The following ATP13A3 variants were observed in gnomAD, a reference collection of about 807,000 sequenced individuals.
The protein encoded by ATP13A3 is ATPase 13A3.
In ATP13A3, 59 loss-of-function variants were observed where a neutral mutation model predicts 158.1. That is an observed-to-expected ratio of 0.37 (90% CI 0.30 to 0.46). The LOEUF (loss-of-function observed/expected upper bound fraction) is 0.46, where lower values mean the gene tolerates loss of function less well. Among genes scored for constraint, ATP13A3 ranks in the 20% least tolerant of loss-of-function variants. The pLI is 1.00. For missense variants in ATP13A3, 1,166 were observed against 1,525.2 expected (o/e 0.76, Z 3.92); for synonymous variants, 491 against 504.3 (o/e 0.97, Z 0.35).
At position 194,468,386 on chromosome 3, in the gene ATP13A3, T is replaced by TAAAAAAAAAAAAAAAAAAA. The variant is rs35011462; in HGVS notation, c.-46-6169_-46-6151dup. On this transcript the variant is annotated intron_variant, in intron 2 of 33. Coordinates refer to ENST00000645319, the MANE Select transcript of ATP13A3 (RefSeq NM_001367549.1). The stretch of plus-strand genomic sequence containing the variant: ...ATAAACTTGATTTGCTGTGTGAGTT[T>TAAAAAAAAAAAAAAAAAAA]AAAAAAAAAAAAAAAAAAACAGTAT... 269 of 111,696 alleles carry TAAAAAAAAAAAAAAAAAAA rather than the reference T, an allele frequency of 2.4e-3. 8 individuals are homozygous for TAAAAAAAAAAAAAAAAAAA. Among genetic ancestry groups the TAAAAAAAAAAAAAAAAAAA allele is most frequent in the African/African-American group, 0.01 (254 of 25,276 alleles). The allele number at this position is 111,696 out of a possible 1,614,324, so 6.9% of individuals were successfully genotyped here. A position where few individuals can be genotyped will look rare whatever the true frequency, so the allele number is the denominator to read the frequency against.
At chr3:194,423,627 C>A (rs1047230058) in intron 30 of ATP13A3, among the ~76,000 whole-genome samples, 2 of 152,170 alleles carry the variant, frequency 1.3e-5, no homozygotes, top group Non-Finnish European at 2.9e-5. Flanking sequence ...CTGACAGTAA[C>A]GGCAATCGAG....
At position 194,448,761 on chromosome 3, in the gene ATP13A3, A is replaced by G; in HGVS notation, c.971-125T>C. The G allele has an allele frequency of 9.9e-7, 1 of 1,006,890 alleles. No individual in the cohort carries two copies. Among genetic ancestry groups the G allele is most frequent in the South Asian group, 1.9e-5 (1 of 52,434 alleles). The allele number at this position is 1,006,890 out of a possible 1,614,324, so 62.4% of individuals were successfully genotyped here. ...TTTTAAATGCTACCATACTGTTTAC[A>G]ATAATCACTGAGAGTTGTATATGTG... is the stretch of plus-strand genomic sequence containing the variant. On this transcript the variant is annotated intron_variant, in intron 11 of 33. Transcript: ENST00000645319. The surrounding 1 kb of genome is among the most constrained non-coding windows in gnomAD (Gnocchi z 4.0).
intron 4 of ATP13A3, among the ~76,000 whole-genome samples, chr3:194,460,444 G>C (rs555660668): frequency 6.6e-6 from 1 of 152,266 alleles, no homozygotes; most frequent in South Asian, 2.1e-4. Context: ...ATGAAAGGAA[G>C]GGGGTGAATC....
Position 194,455,965 on chromosome 3 carries a change from AT to A in ATP13A3, c.561-4del. The A allele has an allele frequency of 6.6e-7, 1 of 1,508,094 alleles. No individual in the cohort carries two copies. Among genetic ancestry groups the A allele is most frequent in the Non-Finnish European group, 9.0e-7 (1 of 1,109,274 alleles). The allele number at this position is 1,508,094 out of a possible 1,614,324, so 93.4% of individuals were successfully genotyped here. A position where few individuals can be genotyped will look rare whatever the true frequency, so the allele number is the denominator to read the frequency against. ...CATTTACTCCATAAAGCAGTTTTCT[AT>A]AACAGGAAAATACATTCATAGTATT... On this transcript the variant is annotated splice_region_variant and splice_polypyrimidine_tract_variant and intron_variant, in intron 7 of 33. Coordinates refer to ENST00000645319, the MANE Select transcript of ATP13A3 (RefSeq NM_001367549.1).
chr3:194,460,911 G>T, intron 3 of ATP13A3, 80 bp from the exon 4 acceptor site: 1 of 1,399,078 alleles, frequency 7.1e-7, no homozygotes, highest in Non-Finnish European at 9.7e-7. Flanking sequence ...AAAGTTCTTT[G>T]TTTTCCAGAT....
chr3:194,477,182 C>T lies in ATP13A3; in HGVS notation c.-47+8612G>A, dbSNP rs1218133869. Among the ~76,000 whole-genome samples the T allele has an allele frequency of 2.0e-5, 3 of 152,190 alleles. 1 individual carries two copies. The highest frequency in any genetic ancestry group is 7.2e-5 in the African/African-American group (3 of 41,442). ...AGAGCTCCTACTTGCTCTTCCAGGACCAGCTCAAGCTACTAAGCTTTGATT... is the reference window on the plus strand; with the variant it reads ...AGAGCTCCTACTTGCTCTTCCAGGATCAGCTCAAGCTACTAAGCTTTGATT... On this transcript the variant is annotated intron_variant, in intron 2 of 33. Transcript: ENST00000645319.
chr3:194,477,256 C>T (rs1720564462), intron 2 of ATP13A3, among the ~76,000 whole-genome samples: 1 of 152,156 alleles, frequency 6.6e-6, no homozygotes, highest in African/African-American at 2.4e-5. Context: ...TCTCCCACCT[C>T]TGCAGGTATC....
intron 10 of ATP13A3, chr3:194,450,551 G>C (rs747485605): frequency 2.4e-4 from 88 of 373,684 alleles, no homozygotes; most frequent in Admixed American, 5.2e-4. Context: ...CAACACTCAT[G>C]ACAACCGTCC....
At chr3:194,447,389 CAA>C (rs1718478404) in intron 13 of ATP13A3, among the ~76,000 whole-genome samples, 1 of 152,202 alleles carries the variant, frequency 6.6e-6, no homozygotes, top group South Asian at 2.1e-4. Context: ...TGACACACTT[CAA>C]AGCCGGTCAA....
rs771489579 is a variant in ATP13A3 at position 194,437,162 on chromosome 3, C to T, written c.2053G>A (p.Val685Met). The change falls in exon 20 of 34, where the codon GTG becomes ATG. Residue 685 changes from valine (V) to methionine (M), a missense_variant. Physicochemically the swap from Val to Met is conservative, Grantham distance 21. This residue lies in a region of ATP13A3 where 997 missense variants were observed against 1,341.2 expected (regional missense o/e 0.74). Transcript: ENST00000645319. ...LEDFTKQGFR[V>M]IALAHRKLES... ...AATTTTCTGTGTGCAAGAGCAATCA[C>T]ACGGAAGCCCTGTTTAGTGAAGTCT... 2.5e-6 allele frequency: 4 copies of T among 1,614,060 alleles called. No individual in the cohort carries two copies. Among genetic ancestry groups the T allele is most frequent in the Non-Finnish European group, 3.4e-6 (4 of 1,179,900 alleles).
At chr3:194,416,392 A>C (rs1335870230) in intron 31 of ATP13A3, among the ~76,000 whole-genome samples, 1 of 152,048 alleles carries the variant, frequency 6.6e-6, no homozygotes, top group Non-Finnish European at 1.5e-5. Flanking sequence ...CGGGAGGTGG[A>C]GGTTGCAGTG....
In ATP13A3 at chr3:194,459,864, T is replaced by C. The variant is rs748400915; in HGVS notation, c.333A>G (p.Ala111=). The change falls in exon 5 of 34, where the codon GCA becomes GCG. Residue 111 remains alanine (A), a synonymous_variant. Transcript: ENST00000645319. Reference sequence around the variant, plus strand: ...CAGTGGGATTCTCAATTAAACAAACTGCATGGCCATTTGAAAGCTTATTAG... The same window carrying C: ...CAGTGGGATTCTCAATTAAACAAACCGCATGGCCATTTGAAAGCTTATTAG... The part of the protein sequence containing the change: ...SMSNKLSNGH[A]VCLIENPTEE... 1.2e-6 allele frequency: 2 copies of C among 1,613,628 alleles called. No homozygotes were observed. Among genetic ancestry groups the C allele is most frequent in the South Asian group, 1.1e-5 (1 of 91,062 alleles).
At chr3:194,432,018 T>C in intron 21 of ATP13A3, 126 bp from the exon 22 acceptor site, 1 of 739,912 alleles carries the variant, frequency 1.4e-6, no homozygotes, top group Non-Finnish European at 1.9e-6. Context: ...TAATGTATGG[T>C]TCTTCCACTT....
intron 29 of ATP13A3, among the ~76,000 whole-genome samples, chr3:194,426,707 T>G (rs776977974): frequency 6.6e-6 from 1 of 152,096 alleles, no homozygotes; most frequent in Non-Finnish European, 1.5e-5. Flanking sequence ...GCATGCAAAC[T>G]TTGTCTCAAA....
intron 30 of ATP13A3, chr3:194,420,514 C>G (rs1298806204): frequency 6.6e-6 from 1 of 152,222 alleles, no homozygotes; most frequent in Non-Finnish European, 1.5e-5. Flanking sequence ...CATTTTTTCA[C>G]TGATTTACAC....
chr3:194,491,925 G>A (rs577920166), upstream of ATP13A3, among the ~76,000 whole-genome samples: 10 of 151,088 alleles, frequency 6.6e-5, no homozygotes, highest in African/African-American at 1.7e-4. Flanking sequence ...TAGTGCATTC[G>A]CTCCCAGTGG....
chr3:194,486,819 G>C lies in ATP13A3; in HGVS notation c.-342C>G, dbSNP rs1458121666. On this transcript the variant is annotated 5_prime_UTR_variant, in exon 1 of 34. Transcript: ENST00000645319. Reference sequence around the variant, plus strand: ...TCCGCGCCCGCGGCGGCGGCGTGCAGCCGGCAGGGCGAGAACAAGGGAGGG... The same window carrying C: ...TCCGCGCCCGCGGCGGCGGCGTGCACCCGGCAGGGCGAGAACAAGGGAGGG... 6.6e-6 allele frequency: 1 copy of C among 151,724 alleles called. No individual in the cohort carries two copies. Among genetic ancestry groups the C allele is most frequent in the Non-Finnish European group, 1.5e-5 (1 of 67,962 alleles). 9.4% of individuals were successfully genotyped at this position (151,724 alleles called of 1,614,324 possible).
In ATP13A3 at chr3:194,430,105, G is replaced by A. The variant is rs778683920; in HGVS notation, c.2744C>T (p.Thr915Ile). Residue 915 changes from threonine to isoleucine, a missense_variant, in exon 26 of 34, where the codon ACT becomes ATT. Around this residue, in one of 3 missense-constraint regions of ATP13A3, gnomAD observed 997 missense variants for 1,341.2 expected, o/e 0.74. Transcript: ENST00000645319. ...GTTTGGCACACAGGAAATACTAGGA[G>A]TCTTAGAGGTAAAGGGAGATGCCAC... is the stretch of plus-strand genomic sequence containing the variant. Reference protein sequence around the residue: ...ASVASPFTSKTPSISCVPNLI... With the variant: ...ASVASPFTSKIPSISCVPNLI... 8 of 1,614,114 alleles carry A rather than the reference G, an allele frequency of 5.0e-6. No homozygotes were observed. Among genetic ancestry groups the A allele is most frequent in the Non-Finnish European group, 6.8e-6 (8 of 1,180,010 alleles).
At chr3:194,450,051 C>T in intron 11 of ATP13A3, 94 bp downstream of exon 11, 1 of 1,325,690 alleles carries the variant, frequency 7.5e-7, no homozygotes, top group Non-Finnish European at 1.0e-6. Context: ...AGTAAAGGTA[C>T]AAATGACATA....
Sources: allele counts gnomAD v4.1 joint callset (sites outside exome capture counted in the v4.1 genomes callset), GRCh38; gene constraint gnomAD v4.1.1; regional missense constraint gnomAD v4.1.1; non-coding constraint Gnocchi (gnomAD v3.1); transcripts MANE v1.5; gene names NCBI Gene and HGNC (gene_info 2026-07-23, HGNC 2026-07-21).